The following PPP1R15B variants were observed in gnomAD, a reference collection of about 807,000 sequenced individuals.
PPP1R15B encodes the protein protein phosphatase 1 regulatory subunit 15B, also known as protein phosphatase 1, regulatory (inhibitor) subunit 15B.
Under a neutral mutation model 53.9 loss-of-function variants are expected in PPP1R15B, and 31 were observed. The observed-to-expected ratio is 0.58, with a 90% CI of 0.43 to 0.78. The LOEUF is 0.78. Ranked by LOEUF, PPP1R15B falls within the 30% of genes least tolerant of loss-of-function variation. PPP1R15B has a pLI of 0.00. For missense variants in PPP1R15B, 928 were observed against 849.6 expected, an observed-to-expected ratio of 1.09 and a Z score of -1.15; for synonymous variants, 345 against 329.1, an observed-to-expected ratio of 1.05 and a Z score of -0.52.
rs775288516 is a variant in PPP1R15B, at chr1:204,410,497, T to C, written c.915A>G (p.Gln305=). The part of the protein sequence containing the change: ...HLRMKRLEFL[Q]QASKGQDLPT... ...GTAAATCTTGCCCCTTGCTAGCCTGTTGAAGGAATTCCAGCCGTTTCATGC... is the reference window on the plus strand; with the variant it reads ...GTAAATCTTGCCCCTTGCTAGCCTGCTGAAGGAATTCCAGCCGTTTCATGC... The change falls in exon 1 of 2, where the codon CAA becomes CAG. Residue 305 remains glutamine (Q), a synonymous_variant. Coordinates refer to ENST00000367188, the MANE Select transcript of PPP1R15B (RefSeq NM_032833.5). 3.1e-6 allele frequency: 5 copies of C among 1,614,186 alleles called. No individual in the cohort carries two copies. Among genetic ancestry groups the C allele is most frequent in the South Asian group, 1.1e-5 (1 of 91,082 alleles).
chr1:204,411,217 T>C lies in PPP1R15B; in HGVS notation c.195A>G (p.Lys65=), dbSNP rs760638286. The C allele has an allele frequency of 5.0e-6, 8 of 1,614,128 alleles. No homozygotes were observed. Among genetic ancestry groups the C allele is most frequent in the South Asian group, 1.1e-5 (1 of 91,076 alleles). ...QPETRVSYWT[K]LLSQLLAPLP... The stretch of plus-strand genomic sequence containing the variant: ...GCGGCGCAAGGAGCTGGGAGAGCAG[T>C]TTCGTCCAGTAACTGACCCGAGTCT... The change falls in exon 1 of 2, where the codon AAA becomes AAG. Residue 65 remains lysine, a synonymous_variant. Coordinates refer to ENST00000367188, the MANE Select transcript of PPP1R15B (RefSeq NM_032833.5).
Position 204,411,632 on chromosome 1 carries a change from G to A in PPP1R15B, c.-221C>T, listed in dbSNP as rs1004480468. Reference sequence around the variant, plus strand: ...GCCCGCGCAATAGGCGGCGACTGATGCGACTTCCATCCTGGCGGGGAAGGA... The same window carrying A: ...GCCCGCGCAATAGGCGGCGACTGATACGACTTCCATCCTGGCGGGGAAGGA... On this transcript the variant is annotated 5_prime_UTR_variant, in exon 1 of 2. Transcript: ENST00000367188. The A allele has an allele frequency of 6.5e-5, 40 of 611,194 alleles. No individual in the cohort carries two copies. Among genetic ancestry groups the A allele is most frequent in the Non-Finnish European group, 1.0e-4 (36 of 350,166 alleles). The allele number at this position is 611,194 out of a possible 1,614,324, so 37.9% of individuals were successfully genotyped here.
chr1:204,402,757 A>G (rs945123960), downstream of PPP1R15B, among the ~76,000 whole-genome samples: 1 of 151,902 alleles, frequency 6.6e-6, no homozygotes, highest in Non-Finnish European at 1.5e-5. Context: ...TGATTTTACA[A>G]TACCATGATT....
In PPP1R15B at chr1:204,404,982, T is replaced by C; in HGVS notation, c.*1110A>G. 1 of 984,950 alleles carries C rather than the reference T, an allele frequency of 1.0e-6. No individual in the cohort carries two copies. Among genetic ancestry groups the C allele is most frequent in the Non-Finnish European group, 1.2e-6 (1 of 829,080 alleles). The allele number at this position is 984,950 out of a possible 1,614,324, so 61.0% of individuals were successfully genotyped here. A position where few individuals can be genotyped will look rare whatever the true frequency, so the allele number is the denominator to read the frequency against. On this transcript the variant is annotated 3_prime_UTR_variant, in exon 2 of 2. Coordinates refer to ENST00000367188, the MANE Select transcript of PPP1R15B (RefSeq NM_032833.5). Reference sequence around the variant, plus strand: ...AAAGGCCTTGCCATTACTTCTCTCATTATTAAATAGTAGGACACAATAAAC... The same window carrying C: ...AAAGGCCTTGCCATTACTTCTCTCACTATTAAATAGTAGGACACAATAAAC...
chr1:204,405,937 A>T lies in PPP1R15B; in HGVS notation c.*155T>A. 7.0e-7 allele frequency: 1 copy of T among 1,422,208 alleles called. No homozygotes were observed. The highest frequency in any genetic ancestry group is 9.2e-7 in the Non-Finnish European group (1 of 1,092,002). The allele number at this position is 1,422,208 out of a possible 1,614,324, so 88.1% of individuals were successfully genotyped here. A position where few individuals can be genotyped will look rare whatever the true frequency, so the allele number is the denominator to read the frequency against. ...CTGGCTTCAAACCTGAATGTTTCTGAGTGGGATATGTTGCAAAAAAAAAAA... is the reference window on the plus strand; with the variant it reads ...CTGGCTTCAAACCTGAATGTTTCTGTGTGGGATATGTTGCAAAAAAAAAAA... On this transcript the variant is annotated 3_prime_UTR_variant, in exon 2 of 2. Coordinates refer to ENST00000367188, the MANE Select transcript of PPP1R15B (RefSeq NM_032833.5).
chr1:204,409,460 A>G (rs370234037), intron 1 of PPP1R15B, 32 bp downstream of exon 1: 33 of 1,577,866 alleles, frequency 2.1e-5, no homozygotes, highest in Admixed American at 3.7e-5. Flanking sequence ...CAGTCAGAAC[A>G]TATCAGGCAT....
At chr1:204,401,551 C>G (rs1558213608), downstream of PPP1R15B, among the ~76,000 whole-genome samples, 1 of 152,164 alleles carries the variant, frequency 6.6e-6, no homozygotes, top group East Asian at 1.9e-4. Flanking sequence ...CTTTGTACAT[C>G]TCTGTATTAG....
chr1:204,399,448 T>A (rs1311496554), downstream of PPP1R15B, among the ~76,000 whole-genome samples: 1 of 151,670 alleles, frequency 6.6e-6, no homozygotes, highest in East Asian at 1.9e-4. Context: ...TAGTCCCAGC[T>A]ACTTAGGAGG....
At chr1:204,400,769 A>G (rs1674167486), downstream of PPP1R15B, 7 of 970,668 alleles carry the variant, frequency 7.2e-6, no homozygotes, top group Non-Finnish European at 8.6e-6. Flanking sequence ...TAAGTTCTTC[A>G]TCCTTCTTCT....
chr1:204,403,243 G>T, downstream of PPP1R15B: 1 of 205,918 alleles, frequency 4.9e-6, no homozygotes, highest in Non-Finnish European at 8.5e-6. Context: ...TCTTAGAAGG[G>T]CCTCTCATAA....
At position 204,405,415 on chromosome 1, in the gene PPP1R15B, T is replaced by C. The variant is rs1399972784; in HGVS notation, c.*677A>G. ...GAAAGATGCAGCTTTCCCAAAGTAGTAAAGTACTGCACATATGGGTTTTGT... is the reference window on the plus strand; with the variant it reads ...GAAAGATGCAGCTTTCCCAAAGTAGCAAAGTACTGCACATATGGGTTTTGT... On this transcript the variant is annotated 3_prime_UTR_variant, in exon 2 of 2. Coordinates refer to ENST00000367188, the MANE Select transcript of PPP1R15B (RefSeq NM_032833.5). The C allele has an allele frequency of 2.0e-6, 2 of 985,072 alleles. No homozygotes were observed. Among genetic ancestry groups the C allele is most frequent in the Non-Finnish European group, 2.4e-6 (2 of 829,772 alleles). 61.0% of individuals were successfully genotyped at this position (985,072 alleles called of 1,614,324 possible). A position where few individuals can be genotyped will look rare whatever the true frequency, so the allele number is the denominator to read the frequency against.
downstream of PPP1R15B, among the ~76,000 whole-genome samples, chr1:204,397,803 TTAGGC>T (rs1674116095): frequency 6.6e-6 from 1 of 152,110 alleles, no homozygotes; most frequent in Non-Finnish European, 1.5e-5. Context: ...TCAGCGAACC[TTAGGC>T]TACCACTGGA....
downstream of PPP1R15B, among the ~76,000 whole-genome samples, chr1:204,402,951 G>A (rs987423661): frequency 3.3e-5 from 5 of 151,872 alleles, no homozygotes; most frequent in Non-Finnish European, 5.9e-5. Flanking sequence ...AGGTGCCTGT[G>A]ATCCCAGCTA....
downstream of PPP1R15B, among the ~76,000 whole-genome samples, chr1:204,400,486 C>T (rs117500359): frequency 2.8e-5 from 4 of 143,436 alleles, no homozygotes; most frequent in Non-Finnish European, 4.6e-5. Context: ...ATTTCTTTTT[C>T]TTTTTTTTTT....
chr1:204,403,058 G>C (rs572589410), downstream of PPP1R15B, among the ~76,000 whole-genome samples: 1 of 152,070 alleles, frequency 6.6e-6, no homozygotes, highest in Admixed American at 6.5e-5. Flanking sequence ...GGTGACAGAG[G>C]CTCCGTCTCA....
At chr1:204,397,816 G>A (rs1674116151), downstream of PPP1R15B, among the ~76,000 whole-genome samples, 2 of 151,866 alleles carry the variant, frequency 1.3e-5, no homozygotes, top group African/African-American at 4.8e-5. Flanking sequence ...GGCTACCACT[G>A]GAAAGAGTAG....
chr1:204,403,299 T>C, downstream of PPP1R15B: 2 of 466,038 alleles, frequency 4.3e-6, no homozygotes, highest in Non-Finnish European at 5.6e-6. Flanking sequence ...TTGTTTGCAA[T>C]TATACTAATC....
At chr1:204,399,003 A>G (rs548008590), downstream of PPP1R15B, among the ~76,000 whole-genome samples, 2 of 152,380 alleles carry the variant, frequency 1.3e-5, no homozygotes, top group East Asian at 1.9e-4. Context: ...AGCTTACGGT[A>G]GCTTTTCTCT....
Position 204,406,309 on chromosome 1 carries a change from G to A in PPP1R15B, c.1925C>T (p.Thr642Ile). ...RHTHVKRKKV[T>I]FLEEVTEYYI... ...ATACTCAGTAACTTCTTCAAGGAAG[G>A]TTACCTACAAAAACAAAGACTAATT... The change falls in exon 2 of 2, where the codon ACC (threonine) becomes ATC (isoleucine). Residue 642 changes from threonine (T) to isoleucine (I), a missense_variant. Transcript: ENST00000367188. 1.2e-6 allele frequency: 2 copies of A among 1,613,620 alleles called. No homozygotes were observed. The highest frequency in any genetic ancestry group is 2.7e-5 in the African/African-American group (2 of 74,976).
Sources: allele counts gnomAD v4.1 joint callset (sites outside exome capture counted in the v4.1 genomes callset), GRCh38; gene constraint gnomAD v4.1.1; transcripts MANE v1.5; gene names NCBI Gene and HGNC (gene_info 2026-07-23, HGNC 2026-07-21).